SUPT3H: variants seen among roughly 807,000 people sequenced by gnomAD.
SUPT3H encodes transcription initiation protein SPT3 homolog.
SUPT3H carries 44 observed loss-of-function variants against 44.3 expected under a neutral mutation model. The observed-to-expected ratio is 0.99, with a 90% confidence interval of 0.78 to 1.28. SUPT3H has a LOEUF of 1.28. SUPT3H is among the 50% of genes most tolerant of loss of function. SUPT3H has a pLI of 0.00. For synonymous variants in SUPT3H, 124 were observed against 125.6 expected (o/e 0.99, Z 0.09); for missense variants, 380 against 387.1 (o/e 0.98, Z 0.15).
chr6:44,989,490 T>G (rs1397036590), intron 6 of SUPT3H, among the ~76,000 whole-genome samples: 1 of 152,134 alleles, frequency 6.6e-6, no homozygotes, highest in Admixed American at 6.6e-5. Context: ...CTCTTTGAGG[T>G]ATCAAGATCA....
intron 6 of SUPT3H, among the ~76,000 whole-genome samples, chr6:44,985,115 G>T (rs976699): frequency 0.42 from 62,727 of 150,612 alleles, 13,444 homozygotes; most frequent in East Asian, 0.69. Context: ...GTGATGGAAA[G>T]ACTGCTTGAG....
At chr6:44,863,542 G>A (rs1354086683) in intron 10 of SUPT3H, among the ~76,000 whole-genome samples, 1 of 152,166 alleles carries the variant, frequency 6.6e-6, no homozygotes, top group East Asian at 1.9e-4. Context: ...AGAGAGAAGT[G>A]AAAGTGGAAA....
intron 10 of SUPT3H, among the ~76,000 whole-genome samples, chr6:44,897,676 A>G (rs1764313886): frequency 6.6e-6 from 1 of 152,188 alleles, no homozygotes; most frequent in South Asian, 2.1e-4. Context: ...ATCACTGGAC[A>G]TCTACTTGTA....
Position 44,858,171 on chromosome 6 carries a change from C to G in SUPT3H, c.913-28314G>C, listed in dbSNP as rs564807511. On this transcript the variant is annotated intron_variant, in intron 10 of 10. Transcript: ENST00000371459. ...TACACTACACTACATTATAATTGAA[C>G]CTTGAGGGTAGGGAATATAGCCTAT... Among the ~76,000 whole-genome samples the G allele has an allele frequency of 9.2e-5, 14 of 152,246 alleles. No individual in the cohort carries two copies. In the South Asian group the frequency reaches 2.7e-3, roughly 29 times the overall value.
At chr6:44,809,944 A>G (rs964440918) in intron 11 of SUPT3H, among the ~76,000 whole-genome samples, 15 of 152,244 alleles carry the variant, frequency 9.9e-5, no homozygotes, top group African/African-American at 3.6e-4. Context: ...AAGAGTTACG[A>G]ATAGATATAA....
intron 3 of SUPT3H, among the ~76,000 whole-genome samples, chr6:45,100,773 T>C (rs1012041296): frequency 6.6e-6 from 1 of 152,014 alleles, no homozygotes; most frequent in Non-Finnish European, 1.5e-5. Flanking sequence ...AAATGTAAAT[T>C]AGTATAACCA....
At chr6:44,993,183 A>G (rs1038628384) in intron 6 of SUPT3H, among the ~76,000 whole-genome samples, 1 of 151,914 alleles carries the variant, frequency 6.6e-6, no homozygotes, top group African/African-American at 2.4e-5. Flanking sequence ...CAAAACAAAA[A>G]CAGAATAAAA....
At chr6:45,333,463 T>C (rs1787921704) in intron 2 of SUPT3H, among the ~76,000 whole-genome samples, 1 of 151,504 alleles carries the variant, frequency 6.6e-6, no homozygotes, top group East Asian at 1.9e-4. Context: ...TCCTCCCCTT[T>C]ATACTATTTA....
intron 2 of SUPT3H, among the ~76,000 whole-genome samples, chr6:45,232,786 G>A (rs1356137661): frequency 1.3e-5 from 2 of 152,112 alleles, no homozygotes; most frequent in Non-Finnish European, 2.9e-5. Context: ...AAGGGTTAGG[G>A]GGAGGCACCC....
At chr6:45,025,711 G>T (rs1291432777) in intron 3 of SUPT3H, among the ~76,000 whole-genome samples, 1 of 151,026 alleles carries the variant, frequency 6.6e-6, no homozygotes, top group Non-Finnish European at 1.5e-5. Context: ...GTGAAACACA[G>T]TCTCTACTAA....
rs146749320 is a variant in SUPT3H, at chr6:45,219,806, C to T, written c.102-113800G>A. 2.1e-3 allele frequency among the ~76,000 whole-genome samples: 326 copies of T among 151,742 alleles called. 1 individual carries two copies. Among genetic ancestry groups the T allele is most frequent in the African/African-American group, 7.5e-3 (311 of 41,370 alleles). On this transcript the variant is annotated intron_variant, in intron 2 of 10. Transcript: ENST00000371459. ...CTGTAATCCCAGCACTTTGGGAGGC[C>T]GAGGTGGGTGGATCACGAGGTCAGG...
chr6:45,287,375 G>A (rs1333909089), intron 2 of SUPT3H, among the ~76,000 whole-genome samples: 1 of 152,130 alleles, frequency 6.6e-6, no homozygotes, highest in African/African-American at 2.4e-5. Flanking sequence ...TCCCTCAGCA[G>A]ATAAACTGAT....
At chr6:45,304,136 A>G (rs537414247) in intron 2 of SUPT3H, among the ~76,000 whole-genome samples, 4 of 152,320 alleles carry the variant, frequency 2.6e-5, no homozygotes, top group Admixed American at 6.5e-5. Context: ...TCACTCTCAC[A>G]AAGTGGATGC....
intron 6 of SUPT3H, among the ~76,000 whole-genome samples, chr6:44,962,106 C>T (rs1191617842): frequency 6.6e-6 from 1 of 152,076 alleles, no homozygotes; most frequent in African/African-American, 2.4e-5. Context: ...CTTGTATCAT[C>T]CTTTTAAAGA....
chr6:45,023,032 T>TGC (rs1220034731), intron 3 of SUPT3H, among the ~76,000 whole-genome samples: 1 of 152,066 alleles, frequency 6.6e-6, no homozygotes, highest in Admixed American at 6.6e-5. Context: ...TTTTGCCTAC[T>TGC]ACCAGAAAGA....
intron 2 of SUPT3H, among the ~76,000 whole-genome samples, chr6:45,247,690 A>ACT (rs1771613805): frequency 6.9e-6 from 1 of 144,772 alleles, no homozygotes; most frequent in Admixed American, 6.9e-5. Context: ...TTCTTTTTCC[A>ACT]TTTTTTTTTT....
At chr6:44,990,766 A>G (rs1490950850) in intron 6 of SUPT3H, among the ~76,000 whole-genome samples, 1 of 152,126 alleles carries the variant, frequency 6.6e-6, no homozygotes, top group Middle Eastern at 3.2e-3. Context: ...GTTACAGTAA[A>G]GGTATACGGT....
At chr6:44,986,674 G>A (rs967622120) in intron 6 of SUPT3H, among the ~76,000 whole-genome samples, 4 of 152,026 alleles carry the variant, frequency 2.6e-5, no homozygotes, top group African/African-American at 7.2e-5. Context: ...TGAAATTTCT[G>A]AACAGAATCA....
chr6:45,292,107 A>G (rs1468651815), intron 2 of SUPT3H, among the ~76,000 whole-genome samples: 1 of 152,154 alleles, frequency 6.6e-6, no homozygotes, highest in Admixed American at 6.5e-5. Context: ...GAAACCCTAC[A>G]AGCTAGGAGG....
Sources: allele counts gnomAD v4.1 joint callset (sites outside exome capture counted in the v4.1 genomes callset), GRCh38; gene constraint gnomAD v4.1.1; transcripts MANE v1.5; gene names NCBI Gene and HGNC (gene_info 2026-07-23, HGNC 2026-07-21).